The following FAM219A variants were observed in gnomAD, a reference collection of about 807,000 sequenced individuals.
The protein encoded by FAM219A is family with sequence similarity 219 member A.
FAM219A carries 7 observed loss-of-function variants against 23.4 expected under a neutral mutation model. That is an observed-to-expected ratio of 0.30 (90% CI 0.17 to 0.56). FAM219A has a LOEUF of 0.56. Among genes scored for constraint, FAM219A ranks in the 20% least tolerant of loss-of-function variants. The pLI, the probability that FAM219A is intolerant of heterozygous loss-of-function variation, is 0.92. For missense variants in FAM219A, 166 were observed against 246.9 expected (o/e 0.67, Z 2.20); for synonymous variants, 93 against 99.0 (o/e 0.94, Z 0.36).
intron 1 of FAM219A, among the ~76,000 whole-genome samples, chr9:34,436,632 A>C (rs1822932419): frequency 6.6e-6 from 1 of 152,204 alleles, no homozygotes. Context: ...GAGGGGGTCA[A>C]TGGGAAATGT....
chr9:34,427,598 T>C (rs2131975913), intron 1 of FAM219A, among the ~76,000 whole-genome samples: 1 of 152,308 alleles, frequency 6.6e-6, no homozygotes, highest in South Asian at 2.1e-4. Context: ...TCCCAATGCT[T>C]GGCATAGAAA....
At chr9:34,428,385 C>A (rs1298412497) in intron 1 of FAM219A, among the ~76,000 whole-genome samples, 1 of 152,194 alleles carries the variant, frequency 6.6e-6, no homozygotes, top group Non-Finnish European at 1.5e-5. Context: ...AGAGTCTAGA[C>A]AGGTTGTTTC....
chr9:34,452,928 C>T (rs528463842), intron 1 of FAM219A, among the ~76,000 whole-genome samples: 1 of 152,294 alleles, frequency 6.6e-6, no homozygotes, highest in East Asian at 1.9e-4. Flanking sequence ...GAGTTCTAGA[C>T]TGTGCATCTC....
chr9:34,401,274 C>T (rs534424845), intron 5 of FAM219A, 152 bp from the exon 6 acceptor site: 17 of 957,772 alleles, frequency 1.8e-5, no homozygotes, highest in South Asian at 8.2e-5. Context: ...CCCCAGGCCC[C>T]GCTCCTGCCT....
At chr9:34,431,712 G>A (rs940217114) in intron 1 of FAM219A, among the ~76,000 whole-genome samples, 2 of 151,958 alleles carry the variant, frequency 1.3e-5, no homozygotes, top group Non-Finnish European at 1.5e-5. Context: ...CCCTCTCTAA[G>A]AAAAGCTAAT....
At chr9:34,406,013 G>T in intron 1 of FAM219A, 49 bp from the exon 2 acceptor site, 1 of 1,536,388 alleles carries the variant, frequency 6.5e-7, no homozygotes, top group Non-Finnish European at 8.9e-7. Context: ...AGTGAAGACA[G>T]GGGGCTGCTC....
At chr9:34,445,938 T>A (rs1199772190) in intron 1 of FAM219A, among the ~76,000 whole-genome samples, 1 of 151,698 alleles carries the variant, frequency 6.6e-6, no homozygotes, top group Admixed American at 6.6e-5. Context: ...ACTTTGGGAG[T>A]CCGAGGCAAG....
At position 34,458,075 on chromosome 9, in the gene FAM219A, T is replaced by G; in HGVS notation, c.60+129A>C. ...CCTGCAAGTCCCCGTCCCCCGGCAA[T>G]ACGTTTTCAGGGATCTCTTTGCCCC... On this transcript the variant is annotated intron_variant, in intron 1 of 5. Coordinates refer to ENST00000651358, the MANE Select transcript of FAM219A (RefSeq NM_001184940.2). The surrounding 1 kb of genome is among the most constrained non-coding windows in gnomAD (Gnocchi z 6.6). 2 of 821,598 alleles carry G rather than the reference T, an allele frequency of 2.4e-6. No homozygotes were observed. Among genetic ancestry groups the G allele is most frequent in the Non-Finnish European group, 3.4e-6 (2 of 580,252 alleles). 50.9% of individuals were successfully genotyped at this position (821,598 alleles called of 1,614,324 possible).
At chr9:34,439,830 G>A (rs1192891379) in intron 1 of FAM219A, among the ~76,000 whole-genome samples, 1 of 152,172 alleles carries the variant, frequency 6.6e-6, no homozygotes, top group Non-Finnish European at 1.5e-5. Flanking sequence ...TTATACTAAG[G>A]ATTTGAGTCT....
chr9:34,441,949 C>G (rs1208896922), intron 1 of FAM219A, among the ~76,000 whole-genome samples: 1 of 152,130 alleles, frequency 6.6e-6, no homozygotes, highest in African/African-American at 2.4e-5. Context: ...GTTTCGAACT[C>G]CTGGCCTCAA....
At chr9:34,444,181 A>C (rs1183532131) in intron 1 of FAM219A, among the ~76,000 whole-genome samples, 1 of 152,218 alleles carries the variant, frequency 6.6e-6, no homozygotes, top group African/African-American at 2.4e-5. Flanking sequence ...TAGGAGAACC[A>C]GTGGAGGCCC....
intron 1 of FAM219A, among the ~76,000 whole-genome samples, chr9:34,455,374 T>G (rs1823692376): frequency 6.6e-6 from 1 of 152,044 alleles, no homozygotes; most frequent in Admixed American, 6.5e-5. Context: ...AGTCTGAGCC[T>G]GGGACCCTGG....
At chr9:34,418,726 T>G (rs959121563) in intron 1 of FAM219A, among the ~76,000 whole-genome samples, 1 of 152,128 alleles carries the variant, frequency 6.6e-6, no homozygotes, top group Non-Finnish European at 1.5e-5. Flanking sequence ...ATCATCTAAT[T>G]TAATGGAGAA....
intron 1 of FAM219A, among the ~76,000 whole-genome samples, chr9:34,422,983 T>C (rs1035626364): frequency 6.6e-6 from 1 of 152,064 alleles, no homozygotes; most frequent in East Asian, 1.9e-4. Flanking sequence ...CTGGGCAACA[T>C]AGTAGGACTC....
rs1455635082 is a variant in FAM219A, at chr9:34,427,742, G to A, written c.61-21778C>T. ...CCATGCTGGAGTCTTGTCTAATGGT[G>A]TCCCACAGACAGATGTTGCATTTTG... On this transcript the variant is annotated intron_variant, in intron 1 of 5. Coordinates refer to ENST00000651358, the MANE Select transcript of FAM219A (RefSeq NM_001184940.2). 2.0e-5 allele frequency among the ~76,000 whole-genome samples: 3 copies of A among 152,182 alleles called. No individual in the cohort carries two copies. The East Asian group carries it at 5.8e-4, about 29-fold the overall frequency.
intron 1 of FAM219A, among the ~76,000 whole-genome samples, chr9:34,450,031 G>A (rs568526344): frequency 2.6e-5 from 4 of 152,320 alleles, no homozygotes; most frequent in Non-Finnish European, 4.4e-5. Context: ...TGGGAACTAG[G>A]TCGGGCGTGG....
At chr9:34,412,071 C>G (rs534900691) in intron 1 of FAM219A, among the ~76,000 whole-genome samples, 1 of 151,934 alleles carries the variant, frequency 6.6e-6, no homozygotes, top group Admixed American at 6.6e-5. Flanking sequence ...CAGAAGATGA[C>G]GGGGAGCCAA....
chr9:34,404,421 T>C (rs1821558957), intron 2 of FAM219A, among the ~76,000 whole-genome samples: 1 of 152,150 alleles, frequency 6.6e-6, no homozygotes, highest in Non-Finnish European at 1.5e-5. Context: ...TATTAAACAA[T>C]AATAGGCTGG....
chr9:34,445,741 C>A (rs990764236), intron 1 of FAM219A, among the ~76,000 whole-genome samples: 1 of 152,220 alleles, frequency 6.6e-6, no homozygotes, highest in African/African-American at 2.4e-5. Context: ...ACGCCAACCT[C>A]CAGCTGGGTA....
Sources: allele counts gnomAD v4.1 joint callset (sites outside exome capture counted in the v4.1 genomes callset), GRCh38; gene constraint gnomAD v4.1.1; non-coding constraint Gnocchi (gnomAD v3.1); transcripts MANE v1.5; gene names NCBI Gene and HGNC (gene_info 2026-07-23, HGNC 2026-07-21).